The following OR7C1 variants were observed in gnomAD, a reference collection of about 807,000 sequenced individuals.
OR7C1 encodes olfactory receptor family 7 subfamily C member 1.
For synonymous variants in OR7C1, 152 were observed against 160.7 expected, an observed-to-expected ratio of 0.95 and a Z score of 0.41; for missense variants, 324 against 383.3, an observed-to-expected ratio of 0.85 and a Z score of 1.29.
chr19:14,805,997 A>G (rs1016491999), intron 2 of OR7C1, among the ~76,000 whole-genome samples: 17 of 151,838 alleles, frequency 1.1e-4, no homozygotes, highest in Admixed American at 7.2e-4. Flanking sequence ...GAGACACCAA[A>G]TTAATGTTAA....
At chr19:14,814,874 A>C (rs1233680269) in intron 1 of OR7C1, among the ~76,000 whole-genome samples, 2 of 152,170 alleles carry the variant, frequency 1.3e-5, no homozygotes, top group East Asian at 3.9e-4. Flanking sequence ...CACAACAACC[A>C]ACCAGCATTA....
At chr19:14,820,125 G>T (rs945611592) in intron 1 of OR7C1, among the ~76,000 whole-genome samples, 2 of 152,040 alleles carry the variant, frequency 1.3e-5, no homozygotes, top group African/African-American at 4.8e-5. Flanking sequence ...CAGTCAGGCT[G>T]GTCTCAAACT....
exon 2 of OR7C1, chr19:14,809,850 C>T (rs959230796): frequency 6.6e-6 from 1 of 152,070 alleles, no homozygotes; most frequent in East Asian, 1.9e-4. Context: ...GGACTTGGCT[C>T]TGTTGACCTT....
chr19:14,799,940 A>G lies in OR7C1; in HGVS notation c.197T>C (p.Leu66Pro), dbSNP rs145774543. Residue 66 changes from leucine to proline, a missense_variant, in exon 5 of 5, where the codon CTG (leucine) becomes CCG (proline). Coordinates refer to ENST00000641666, the Ensembl canonical transcript of OR7C1. ...GGTAAAACAGAGGTCAGCAAAAGAC[A>G]GGTTGGAGAGGAAGAAGTACATGGG... is the stretch of plus-strand genomic sequence containing the variant. 5.2e-4 allele frequency: 842 copies of G among 1,614,158 alleles called. 2 individuals are homozygous for G. The highest frequency in any genetic ancestry group is 1.5e-3 in the Middle Eastern group (9 of 6,062).
intron 1 of OR7C1, among the ~76,000 whole-genome samples, chr19:14,822,629 G>A (rs77595246): frequency 6.6e-6 from 1 of 151,770 alleles, no homozygotes; most frequent in African/African-American, 2.4e-5. Flanking sequence ...TGATCCACCC[G>A]CCTCAGCCTC....
exon 5 of OR7C1, chr19:14,799,614 G>A (rs2044629392): frequency 6.2e-7 from 1 of 1,613,982 alleles, no homozygotes; most frequent in Non-Finnish European, 8.5e-7. Flanking sequence ...AAAAAGTGTG[G>A]AATTTCCATT....
At chr19:14,801,547 G>A (rs773242563) in intron 2 of OR7C1, among the ~76,000 whole-genome samples, 2 of 152,126 alleles carry the variant, frequency 1.3e-5, no homozygotes, top group Non-Finnish European at 2.9e-5. Flanking sequence ...TGAATTTTAG[G>A]TAGAGAACTC....
chr19:14,802,434 C>T (rs1381191686), intron 2 of OR7C1, among the ~76,000 whole-genome samples: 3 of 152,150 alleles, frequency 2.0e-5, no homozygotes, highest in South Asian at 4.1e-4. Flanking sequence ...GCAGGAGAAT[C>T]GCTTGAACCT....
chr19:14,829,619 T>C (rs2044811614), intron 1 of OR7C1, among the ~76,000 whole-genome samples: 1 of 152,164 alleles, frequency 6.6e-6, no homozygotes, highest in Admixed American at 6.5e-5. Flanking sequence ...TAAGGGGACC[T>C]GGCTGTCAAA....
chr19:14,798,563 A>G lies in OR7C1; in HGVS notation c.*611T>C, dbSNP rs117552152. The G allele has an allele frequency of 8.2e-3, 1,258 of 152,504 alleles. 10 individuals are homozygous for G. The highest frequency in any genetic ancestry group is 0.041 in the Middle Eastern group (12 of 296). The allele number at this position is 152,504 out of a possible 1,614,324, so 9.4% of individuals were successfully genotyped here. ...TAGGTGAGAGAAAGAGAAGAGCTCT[A>G]TGTGCAGAGAGGGGTCCCAGAGAAA... On this transcript the variant is annotated 3_prime_UTR_variant, in exon 5 of 5. Coordinates refer to ENST00000641666, the Ensembl canonical transcript of OR7C1.
chr19:14,815,794 T>TGTGC (rs2044713411), intron 1 of OR7C1, among the ~76,000 whole-genome samples: 1 of 151,070 alleles, frequency 6.6e-6, no homozygotes, highest in Non-Finnish European at 1.5e-5. Flanking sequence ...CGTGTGTGTG[T>TGTGC]GTGTGTGTGT....
intron 1 of OR7C1, among the ~76,000 whole-genome samples, chr19:14,817,406 G>A (rs2044721004): frequency 6.6e-6 from 1 of 152,214 alleles, no homozygotes; most frequent in African/African-American, 2.4e-5. Flanking sequence ...TTGCCGCTAT[G>A]TAGAACATAA....
chr19:14,817,047 C>T (rs1031419817), intron 1 of OR7C1, among the ~76,000 whole-genome samples: 1 of 151,794 alleles, frequency 6.6e-6, no homozygotes, highest in African/African-American at 2.4e-5. Flanking sequence ...TCAGAGAATA[C>T]AATAGAGAAA....
At chr19:14,817,137 A>C (rs1283412189) in intron 1 of OR7C1, among the ~76,000 whole-genome samples, 1 of 152,200 alleles carries the variant, frequency 6.6e-6, no homozygotes, top group East Asian at 1.9e-4. Context: ...TCATACCCCA[A>C]AAGTAGGCTA....
At chr19:14,808,111 A>AAC (rs1555694611) in intron 2 of OR7C1, among the ~76,000 whole-genome samples, 2 of 151,130 alleles carry the variant, frequency 1.3e-5, no homozygotes, top group Admixed American at 1.3e-4. Flanking sequence ...AAAAAAAAAA[A>AAC]AACAACAACA....
At chr19:14,823,917 T>TG (rs1232308063) in intron 1 of OR7C1, among the ~76,000 whole-genome samples, 4 of 152,100 alleles carry the variant, frequency 2.6e-5, no homozygotes, top group African/African-American at 9.7e-5. Context: ...TTTTTTTTTT[T>TG]TGGCAATTTG....
At chr19:14,810,380 T>TG (rs1555694741) in intron 1 of OR7C1, among the ~76,000 whole-genome samples, 12 of 96,676 alleles carry the variant, frequency 1.2e-4, no homozygotes, top group South Asian at 6.4e-4. Context: ...GAGTTTTTTT[T>TG]TTTTGTTTTT....
At chr19:14,830,223 A>C (rs2044817661) in intron 1 of OR7C1, among the ~76,000 whole-genome samples, 1 of 152,216 alleles carries the variant, frequency 6.6e-6, no homozygotes, top group Non-Finnish European at 1.5e-5. Flanking sequence ...TGGTACAAGA[A>C]ATTCCAGTTC....
chr19:14,805,064 T>G (rs752311027), intron 2 of OR7C1, among the ~76,000 whole-genome samples: 6 of 151,824 alleles, frequency 4.0e-5, no homozygotes, highest in Admixed American at 2.0e-4. Context: ...GATAGGAAGT[T>G]TGATTGCCTA....
Sources: allele counts gnomAD v4.1 joint callset (sites outside exome capture counted in the v4.1 genomes callset), GRCh38; gene constraint gnomAD v4.1.1; transcripts MANE v1.5; gene names NCBI Gene and HGNC (gene_info 2026-07-23, HGNC 2026-07-21).